The following SNTG1 variants were observed in gnomAD, a reference collection of about 807,000 sequenced individuals.
The protein encoded by SNTG1 is gamma-1-syntrophin.
SNTG1 carries 39 observed loss-of-function variants against 74.7 expected under a neutral mutation model. That is an observed-to-expected ratio of 0.52 (90% confidence interval 0.40 to 0.68). The LOEUF (loss-of-function observed/expected upper bound fraction) is 0.68. Ranked by LOEUF, SNTG1 falls within the 30% of genes least tolerant of loss-of-function variation. SNTG1 has a pLI of 0.00. For missense variants in SNTG1, 685 were observed against 609.5 expected, an observed-to-expected ratio of 1.12 and a Z score of -1.30; for synonymous variants, 254 against 217.1, an observed-to-expected ratio of 1.17 and a Z score of -1.49.
chr8:50,293,793 A>C (rs1207405995), intron 2 of SNTG1, among the ~76,000 whole-genome samples: 1 of 152,190 alleles, frequency 6.6e-6, no homozygotes, highest in Non-Finnish European at 1.5e-5. Flanking sequence ...TTAAGATTTC[A>C]GTATATAAAA....
intron 1 of SNTG1, among the ~76,000 whole-genome samples, chr8:49,959,454 C>T (rs1585664608): frequency 6.6e-6 from 1 of 152,122 alleles, no homozygotes; most frequent in Non-Finnish European, 1.5e-5. Context: ...CTCCCCACTG[C>T]CCCATCTCAG....
intron 8 of SNTG1, among the ~76,000 whole-genome samples, chr8:50,501,433 T>G (rs867748375): frequency 2.6e-4 from 32 of 123,486 alleles, no homozygotes; most frequent in African/African-American, 9.2e-4. Context: ...GCGTTTTTTT[T>G]TTTTTTTTTT....
Position 50,242,541 on chromosome 8 carries a change from AAAAAC to A in SNTG1, c.-28+69908_-28+69912del, listed in dbSNP as rs1418193072. ...AGAATCCATCTCAAAAAAAAAAAAA[AAAAAC>A]ACACCAGGAAATGTATTGTATTTAT... On this transcript the variant is annotated intron_variant, in intron 2 of 18. Transcript: ENST00000642720. Among the ~76,000 whole-genome samples, 88 of 123,720 alleles carry A rather than the reference AAAAAC, an allele frequency of 7.1e-4. 1 individual carries two copies. The highest frequency in any genetic ancestry group is 2.3e-3 in the African/African-American group (84 of 35,954). 81.2% of individuals were successfully genotyped at this position (123,720 alleles called of 152,430 possible).
intron 4 of SNTG1, among the ~76,000 whole-genome samples, chr8:50,427,500 C>T (rs1444253125): frequency 1.3e-5 from 2 of 152,114 alleles, no homozygotes; most frequent in African/African-American, 2.4e-5. Context: ...ATGATCATAG[C>T]TCACCACAGC....
At chr8:50,117,029 T>G (rs796196681) in intron 1 of SNTG1, among the ~76,000 whole-genome samples, 39 of 152,116 alleles carry the variant, frequency 2.6e-4, no homozygotes, top group African/African-American at 8.4e-4. Flanking sequence ...GAATGAGGCA[T>G]GAAACAACAT....
intron 18 of SNTG1, among the ~76,000 whole-genome samples, chr8:50,776,355 C>T (rs574057588): frequency 6.1e-5 from 9 of 148,518 alleles, no homozygotes; most frequent in Non-Finnish European, 1.2e-4. Flanking sequence ...GAAACCTTAA[C>T]ATATTTTAAG....
At chr8:50,439,939 T>C (rs1587635980) in intron 5 of SNTG1, among the ~76,000 whole-genome samples, 1 of 151,638 alleles carries the variant, frequency 6.6e-6, no homozygotes, top group East Asian at 1.9e-4. Flanking sequence ...TTTTTTGTTG[T>C]TTTTCGTATT....
chr8:50,630,000 G>A (rs955554738), intron 13 of SNTG1, among the ~76,000 whole-genome samples: 62 of 152,158 alleles, frequency 4.1e-4, no homozygotes, highest in African/African-American at 1.4e-3. Context: ...TGTTCAATAG[G>A]TAAATCAGTG....
At position 50,259,515 on chromosome 8, in the gene SNTG1, AGAAAGAAAGAAAG is replaced by A. The variant is rs1563810307; in HGVS notation, c.-28+86881_-28+86893del. ...CGCTGTCTCAAAAAAAAAAAAAGAA[AGAAAGAAAGAAAG>A]AAAGAAAGAAAGAAAGAAAGAAAGA... On this transcript the variant is annotated intron_variant, in intron 2 of 18. Transcript: ENST00000642720. Among the ~76,000 whole-genome samples, 78 of 37,426 alleles carry A rather than the reference AGAAAGAAAGAAAG, an allele frequency of 2.1e-3. 11 individuals carry two copies. Among genetic ancestry groups the A allele is most frequent in the African/African-American group, 4.7e-3 (75 of 15,950 alleles). The allele number at this position is 37,426 out of a possible 152,430, so 24.6% of individuals were successfully genotyped here. A position where few individuals can be genotyped will look rare whatever the true frequency, so the allele number is the denominator to read the frequency against.
At chr8:50,767,750 C>T (rs932364146) in intron 18 of SNTG1, among the ~76,000 whole-genome samples, 1 of 151,886 alleles carries the variant, frequency 6.6e-6, no homozygotes, top group African/African-American at 2.4e-5. Context: ...CATTCTGAGT[C>T]ACAATACTTT....
chr8:50,244,976 T>A (rs2086327647), intron 2 of SNTG1, among the ~76,000 whole-genome samples: 1 of 152,224 alleles, frequency 6.6e-6, no homozygotes, highest in African/African-American at 2.4e-5. Context: ...CATGTTAATA[T>A]AAGTAAATGC....
intron 2 of SNTG1, among the ~76,000 whole-genome samples, chr8:50,341,187 C>T (rs1285201199): frequency 1.3e-5 from 2 of 151,830 alleles, no homozygotes; most frequent in Non-Finnish European, 2.9e-5. Flanking sequence ...TATCTCTTTC[C>T]ATATATATTT....
At chr8:49,950,485 T>G (rs552350713) in intron 1 of SNTG1, among the ~76,000 whole-genome samples, 1 of 152,174 alleles carries the variant, frequency 6.6e-6, no homozygotes, top group African/African-American at 2.4e-5. Context: ...GGGGAGATTT[T>G]TTTGCCAATT....
chr8:50,085,687 C>T (rs553466396), intron 1 of SNTG1, among the ~76,000 whole-genome samples: 3 of 152,326 alleles, frequency 2.0e-5, no homozygotes, highest in Admixed American at 1.3e-4. Flanking sequence ...GTAATCCTGA[C>T]CTGGAGCCTA....
intron 2 of SNTG1, among the ~76,000 whole-genome samples, chr8:50,307,995 A>G (rs1423250848): frequency 6.6e-6 from 1 of 151,826 alleles, no homozygotes; most frequent in Non-Finnish European, 1.5e-5. Context: ...CCTTCAATGA[A>G]AATATATGTT....
chr8:50,137,268 A>G (rs1273493424), intron 1 of SNTG1, among the ~76,000 whole-genome samples: 4 of 152,200 alleles, frequency 2.6e-5, no homozygotes, highest in Admixed American at 6.5e-5. Flanking sequence ...AAAAGGGTGC[A>G]TAACACAGAA....
Position 50,780,156 on chromosome 8 carries a change from A to G in SNTG1, c.1396-12515A>G, listed in dbSNP as rs554892291. Reference sequence around the variant, plus strand: ...CAATGTTCATCAAGGATATTGGTCTAAAATTCTCTTTTTTGGTTATGTCTC... The same window carrying G: ...CAATGTTCATCAAGGATATTGGTCTGAAATTCTCTTTTTTGGTTATGTCTC... On this transcript the variant is annotated intron_variant, in intron 18 of 18. Transcript: ENST00000642720. Among the ~76,000 whole-genome samples, 563 of 152,236 alleles carry G rather than the reference A, an allele frequency of 3.7e-3. 4 individuals are homozygous for G. The highest frequency in any genetic ancestry group is 0.013 in the African/African-American group (522 of 41,548).
intron 2 of SNTG1, among the ~76,000 whole-genome samples, chr8:50,362,623 A>T (rs1294122468): frequency 6.6e-6 from 1 of 152,102 alleles, no homozygotes; most frequent in Non-Finnish European, 1.5e-5. Context: ...CATAGATATT[A>T]AGTAGTCACT....
intron 13 of SNTG1, among the ~76,000 whole-genome samples, chr8:50,615,112 TTTTG>T (rs567340957): frequency 3.3e-5 from 5 of 151,772 alleles, no homozygotes; most frequent in Non-Finnish European, 5.9e-5. Context: ...CCAGCTAATT[TTTTG>T]TTTGTTTGTT....
Sources: gnomAD v4.1 joint callset for allele counts (sites outside exome capture counted in the v4.1 genomes callset) on GRCh38, gnomAD v4.1.1 for gene constraint, MANE v1.5 for transcripts, NCBI Gene and HGNC (gene_info 2026-07-23, HGNC 2026-07-21) for gene names.